The following ABCB5 variants were observed in gnomAD, a reference collection of about 807,000 sequenced individuals.
ABCB5 encodes ATP-binding cassette sub-family B member 5.
A neutral mutation model predicts 144.2 loss-of-function variants in ABCB5; 155 were observed. The observed-to-expected ratio is 1.08, with a 90% CI of 0.94 to 1.23. ABCB5 has a LOEUF of 1.23. Ranked by LOEUF, ABCB5 falls within the 50% of genes most tolerant of loss-of-function variation. The pLI is 0.00. For missense variants in ABCB5, 1,830 were observed against 1,520.8 expected, an observed-to-expected ratio of 1.20 and a Z score of -3.38; for synonymous variants, 610 against 528.6, an observed-to-expected ratio of 1.15 and a Z score of -2.11.
In ABCB5 at chr7:20,711,853, CTTTCTTT is replaced by C. The variant is rs1562573858; in HGVS notation, c.2421+7047_2421+7053del. Among the ~76,000 whole-genome samples, 20 of 71,788 alleles carry C rather than the reference CTTTCTTT, an allele frequency of 2.8e-4. 2 individuals carry two copies. Among genetic ancestry groups the C allele is most frequent in the African/African-American group, 9.8e-4 (17 of 17,388 alleles). The allele number at this position is 71,788 out of a possible 152,430, so 47.1% of individuals were successfully genotyped here. On this transcript the variant is annotated intron_variant, in intron 20 of 27. Transcript: ENST00000404938. ...CTTTCTTTCTTTCTTTCTTTTCTTT[CTTTCTTT>C]CCTTCCTCCCTCCCTCCCTCCCTCC...
chr7:20,751,576 G>C (rs967028872), intron 26 of ABCB5, among the ~76,000 whole-genome samples: 2 of 152,200 alleles, frequency 1.3e-5, no homozygotes, highest in Non-Finnish European at 2.9e-5. Context: ...AGACTGCAAA[G>C]TGATTCCTAG....
chr7:20,667,503 C>T (rs1785238667), intron 14 of ABCB5: 1 of 981,252 alleles, frequency 1.0e-6, no homozygotes, highest in Non-Finnish European at 1.2e-6. Context: ...TCTCCTTAGA[C>T]TGTGACGTGT....
chr7:20,659,181 C>A (rs73278683), intron 14 of ABCB5: 340,809 of 1,611,600 alleles, frequency 0.21, 38,276 homozygotes, highest in African/African-American at 0.33. Context: ...CCTCCTGCTG[C>A]CTATGAGCTA....
intron 20 of ABCB5, among the ~76,000 whole-genome samples, chr7:20,718,132 A>C (rs1325229587): frequency 6.8e-6 from 1 of 147,870 alleles, no homozygotes; most frequent in Non-Finnish European, 1.5e-5. Context: ...GATGGTCTTG[A>C]TCTCCGGACC....
chr7:20,746,457 C>A (rs1782726508), intron 26 of ABCB5, among the ~76,000 whole-genome samples: 1 of 152,220 alleles, frequency 6.6e-6, no homozygotes, highest in South Asian at 2.1e-4. Flanking sequence ...TTTCCCTAAA[C>A]ATCCTATTTT....
intron 14 of ABCB5, among the ~76,000 whole-genome samples, chr7:20,674,026 A>G (rs1186753203): frequency 6.6e-6 from 1 of 151,960 alleles, no homozygotes; most frequent in Non-Finnish European, 1.5e-5. Context: ...TGTGTAGTAT[A>G]AAAGCATGAA....
intron 19 of ABCB5, among the ~76,000 whole-genome samples, chr7:20,701,005 G>C (rs1786601030): frequency 6.6e-6 from 1 of 152,168 alleles, no homozygotes; most frequent in African/African-American, 2.4e-5. Flanking sequence ...CTCTTAGGGA[G>C]CTACAAGATA....
At chr7:20,635,624 T>G (rs544831609) in intron 5 of ABCB5, among the ~76,000 whole-genome samples, 1 of 152,170 alleles carries the variant, frequency 6.6e-6, no homozygotes, top group South Asian at 2.1e-4. Flanking sequence ...GATCTTTTAA[T>G]TCCTTAGTTA....
intron 14 of ABCB5, among the ~76,000 whole-genome samples, chr7:20,671,306 C>T (rs1785453262): frequency 6.6e-6 from 1 of 152,082 alleles, no homozygotes; most frequent in African/African-American, 2.4e-5. Context: ...TTTTATTTGA[C>T]TTTGATTTTT....
chr7:20,719,938 TCAATACACACA>T (rs1412484516), intron 20 of ABCB5, among the ~76,000 whole-genome samples: 1 of 111,736 alleles, frequency 8.9e-6, no homozygotes, highest in African/African-American at 3.8e-5. Context: ...TTTGTACCTA[TCAATACACACA>T]CACACACACA....
At chr7:20,635,381 T>C (rs973858159) in intron 5 of ABCB5, among the ~76,000 whole-genome samples, 4 of 123,448 alleles carry the variant, frequency 3.2e-5, no homozygotes, top group African/African-American at 1.3e-4. Context: ...GTTTTGGTTA[T>C]AAAGGCTTTT....
At chr7:20,754,773 A>G (rs2709747) in intron 27 of ABCB5, among the ~76,000 whole-genome samples, 59,495 of 151,988 alleles carry the variant, frequency 0.39, 12,343 homozygotes, top group African/African-American at 0.53. Flanking sequence ...AGAAATTTGA[A>G]TAGTATTAGA....
chr7:20,628,792 A>C lies in ABCB5; in HGVS notation c.213A>C (p.Glu71Asp). 6.2e-7 allele frequency: 1 copy of C among 1,613,810 alleles called. No individual in the cohort carries two copies. Among genetic ancestry groups the C allele is most frequent in the Non-Finnish European group, 8.5e-7 (1 of 1,179,826 alleles). ...CTTTAATGCCACTGGTTTTAGGAGA[A>C]ATGAGTGATAACCTTATTAGTGGAT... ...CLPLMPLVLG[E>D]MSDNLISGCL... Residue 71 changes from glutamate to aspartate, a missense_variant, in exon 4 of 28, where the codon GAA becomes GAC. Transcript: ENST00000404938.
chr7:20,716,224 A>G (rs1781670566), intron 20 of ABCB5, among the ~76,000 whole-genome samples: 1 of 152,240 alleles, frequency 6.6e-6, no homozygotes, highest in Admixed American at 6.5e-5. Context: ...GCTTCAAAAT[A>G]TTAAAAGAAA....
chr7:20,746,164 A>G (rs925432152), intron 26 of ABCB5, among the ~76,000 whole-genome samples: 2 of 151,780 alleles, frequency 1.3e-5, no homozygotes, highest in African/African-American at 4.8e-5. Context: ...CCATGGTGCA[A>G]TCTCAGCTCA....
chr7:20,632,210 T>C, intron 5 of ABCB5, 97 bp downstream of exon 5: 1 of 717,478 alleles, frequency 1.4e-6, no homozygotes, highest in South Asian at 2.2e-5. Flanking sequence ...TGACCATTAA[T>C]ATTACATAAC....
At chr7:20,703,036 A>T (rs1359824615) in intron 19 of ABCB5, among the ~76,000 whole-genome samples, 2 of 152,158 alleles carry the variant, frequency 1.3e-5, no homozygotes, top group African/African-American at 4.8e-5. Context: ...CCAACTGAAC[A>T]TCAGATAATG....
chr7:20,746,216 G>A (rs1465111485), intron 26 of ABCB5, among the ~76,000 whole-genome samples: 1 of 151,998 alleles, frequency 6.6e-6, no homozygotes, highest in African/African-American at 2.4e-5. Context: ...TCCTGCCTCA[G>A]CCTCCCAAGT....
chr7:20,695,320 A>AT (rs1358339574), intron 16 of ABCB5, among the ~76,000 whole-genome samples: 2,294 of 150,348 alleles, frequency 0.015, 69 homozygotes, highest in African/African-American at 0.051. Flanking sequence ...TCAATTAACA[A>AT]TTTTTTTTTT....
Sources: allele counts gnomAD v4.1 joint callset (sites outside exome capture counted in the v4.1 genomes callset), GRCh38; gene constraint gnomAD v4.1.1; transcripts MANE v1.5; gene names NCBI Gene and HGNC (gene_info 2026-07-23, HGNC 2026-07-21).